SUCLG2: variants seen among roughly 807,000 people sequenced by gnomAD.
SUCLG2 encodes the protein succinate-CoA ligase GDP-forming subunit beta, also known as succinate--CoA ligase [GDP-forming] subunit beta, mitochondrial.
SUCLG2 carries 42 observed loss-of-function variants against 47.9 expected under a neutral mutation model. The ratio of observed to expected loss-of-function variants is 0.88; its 90% CI spans 0.69 to 1.14. SUCLG2 has a LOEUF of 1.14. Ranked by LOEUF, SUCLG2 falls within the 50% of genes most tolerant of loss-of-function variation. SUCLG2 has a pLI of 0.00. For missense variants in SUCLG2, 571 were observed against 525.9 expected, an observed-to-expected ratio of 1.09 and a Z score of -0.84; for synonymous variants, 195 against 197.3, an observed-to-expected ratio of 0.99 and a Z score of 0.10.
At chr3:67,499,149 A>G (rs918398976) in intron 7 of SUCLG2, among the ~76,000 whole-genome samples, 1 of 151,836 alleles carries the variant, frequency 6.6e-6, no homozygotes, top group African/African-American at 2.4e-5. Flanking sequence ...AAACACAGTG[A>G]AATGATTACT....
At chr3:67,582,388 A>G (rs1707902906) in intron 2 of SUCLG2, among the ~76,000 whole-genome samples, 1 of 152,098 alleles carries the variant, frequency 6.6e-6, no homozygotes, top group Non-Finnish European at 1.5e-5. Context: ...GTTCCTTAGG[A>G]TAGTTTGCTT....
chr3:67,463,482 AAAAGGAAACT>A (rs1375230435), intron 9 of SUCLG2, among the ~76,000 whole-genome samples: 6 of 152,358 alleles, frequency 3.9e-5, no homozygotes, highest in African/African-American at 1.4e-4. Flanking sequence ...TTATCTTTTA[AAAAGGAAACT>A]ATGACAAAGG....
chr3:67,554,196 G>A (rs1017932828), intron 2 of SUCLG2, among the ~76,000 whole-genome samples: 7 of 152,156 alleles, frequency 4.6e-5, no homozygotes, highest in South Asian at 2.1e-4. Flanking sequence ...ATGGCATCCC[G>A]GGGTTCCCTC....
chr3:67,523,293 T>G (rs1706168366), intron 4 of SUCLG2, among the ~76,000 whole-genome samples: 1 of 152,184 alleles, frequency 6.6e-6, no homozygotes, highest in Non-Finnish European at 1.5e-5. Flanking sequence ...AATTTACCAT[T>G]AGTTAAAAAT....
chr3:67,626,568 GAACT>G (rs951660367), intron 1 of SUCLG2, among the ~76,000 whole-genome samples: 2 of 152,014 alleles, frequency 1.3e-5, no homozygotes, highest in Non-Finnish European at 2.9e-5. Flanking sequence ...ACAAATAGAA[GAACT>G]AACGCTGAAG....
At chr3:67,567,070 G>A (rs925341305) in intron 2 of SUCLG2, among the ~76,000 whole-genome samples, 3 of 151,994 alleles carry the variant, frequency 2.0e-5, no homozygotes, top group Non-Finnish European at 4.4e-5. Flanking sequence ...TGTGGTCCCA[G>A]CTACTCGGAA....
At chr3:67,401,126 TATA>T (rs563574669) in intron 9 of SUCLG2, among the ~76,000 whole-genome samples, 92 of 152,340 alleles carry the variant, frequency 6.0e-4, no homozygotes, top group Non-Finnish European at 1.0e-4. Flanking sequence ...TCGTCTATTA[TATA>T]ATGTCTTCTT....
chr3:67,614,263 T>C lies in SUCLG2; in HGVS notation c.85-4667A>G, dbSNP rs148508411. On this transcript the variant is annotated intron_variant, in intron 1 of 10. Transcript: ENST00000307227. ...ATTCCACAGGCTCTTCTGCCTAAAT[T>C]TGAGACTCTGTTCAGAGACTGAACA... is the stretch of plus-strand genomic sequence containing the variant. Among the ~76,000 whole-genome samples, 573 of 152,098 alleles carry C rather than the reference T, an allele frequency of 3.8e-3. 1 individual carries two copies. Among genetic ancestry groups the C allele is most frequent in the African/African-American group, 0.013 (526 of 41,508 alleles).
At chr3:67,474,687 G>C (rs1325246248) in intron 9 of SUCLG2, among the ~76,000 whole-genome samples, 1 of 152,158 alleles carries the variant, frequency 6.6e-6, no homozygotes, top group Non-Finnish European at 1.5e-5. Context: ...CTGGCTGAAT[G>C]CAACCTTCCT....
intron 9 of SUCLG2, among the ~76,000 whole-genome samples, chr3:67,417,546 C>A (rs1454547188): frequency 6.6e-6 from 1 of 152,198 alleles, no homozygotes; most frequent in Non-Finnish European, 1.5e-5. Context: ...TAACAAGGAA[C>A]TGAACTAGTT....
chr3:67,425,876 A>C (rs1703289139), intron 9 of SUCLG2, among the ~76,000 whole-genome samples: 1 of 152,242 alleles, frequency 6.6e-6, no homozygotes, highest in South Asian at 2.1e-4. Context: ...CGAGGTTTCC[A>C]ATGACCCAAA....
At chr3:67,613,714 A>T (rs551034066) in intron 1 of SUCLG2, among the ~76,000 whole-genome samples, 1 of 152,322 alleles carries the variant, frequency 6.6e-6, no homozygotes, top group African/African-American at 2.4e-5. Flanking sequence ...AATTGGCTTT[A>T]CTGACCAATA....
At chr3:67,614,168 T>A (rs910262067) in intron 1 of SUCLG2, among the ~76,000 whole-genome samples, 1 of 151,978 alleles carries the variant, frequency 6.6e-6, no homozygotes, top group Admixed American at 6.6e-5. Context: ...TGGAATGGAG[T>A]ATAAAGATCA....
chr3:67,488,314 G>T (rs750706808), intron 9 of SUCLG2, among the ~76,000 whole-genome samples: 2 of 152,064 alleles, frequency 1.3e-5, no homozygotes, highest in African/African-American at 4.8e-5. Context: ...CATGTTGCTC[G>T]TTTAGGAATG....
In SUCLG2 at chr3:67,442,302, G is replaced by A. The variant is rs533758081; in HGVS notation, c.1063-41451C>T. Among the ~76,000 whole-genome samples, 171 of 152,260 alleles carry A rather than the reference G, an allele frequency of 1.1e-3. 1 individual carries two copies. The highest frequency in any genetic ancestry group is 4.3e-4 in the Non-Finnish European group (29 of 68,020). On this transcript the variant is annotated intron_variant, in intron 9 of 10. Coordinates refer to ENST00000307227, the MANE Select transcript of SUCLG2 (RefSeq NM_003848.4). ...TGGGATTACAGGCGTGAGCCACCGCGCCCGGCCAGGCTGTCTACTTTCAAA... is the reference window on the plus strand; with the variant it reads ...TGGGATTACAGGCGTGAGCCACCGCACCCGGCCAGGCTGTCTACTTTCAAA...
chr3:67,419,124 C>A (rs1228187091), intron 9 of SUCLG2, among the ~76,000 whole-genome samples: 3 of 152,172 alleles, frequency 2.0e-5, no homozygotes, highest in Non-Finnish European at 4.4e-5. Flanking sequence ...AGCACTCAGT[C>A]CTGTGATGAA....
At chr3:67,382,755 G>A in intron 10 of SUCLG2, among the ~76,000 whole-genome samples, 1 of 152,178 alleles carries the variant, frequency 6.6e-6, no homozygotes, top group East Asian at 1.9e-4. Flanking sequence ...AGTCGCTGTG[G>A]CACAGACAGC....
At chr3:67,366,492 C>T (rs748423544) in intron 10 of SUCLG2, among the ~76,000 whole-genome samples, 3 of 152,174 alleles carry the variant, frequency 2.0e-5, no homozygotes, top group Non-Finnish European at 4.4e-5. Context: ...TCTCTGTTAT[C>T]GCTGCAGCTG....
intron 9 of SUCLG2, among the ~76,000 whole-genome samples, chr3:67,465,595 CT>C (rs1189277839): frequency 6.6e-6 from 1 of 152,200 alleles, no homozygotes; most frequent in African/African-American, 2.4e-5. Flanking sequence ...CAAGGCTATG[CT>C]TCCCCTGGGC....
Sources: gnomAD v4.1 joint callset for allele counts (sites outside exome capture counted in the v4.1 genomes callset) on GRCh38, gnomAD v4.1.1 for gene constraint, MANE v1.5 for transcripts, NCBI Gene and HGNC (gene_info 2026-07-23, HGNC 2026-07-21) for gene names.